Variants in XYLB observed in about 807,000 individuals in gnomAD.
XYLB encodes xylulokinase.
A neutral mutation model predicts 78.7 loss-of-function variants in XYLB; 62 were observed. The observed-to-expected ratio is 0.79, with a 90% CI of 0.64 to 0.97. XYLB has a LOEUF of 0.97. Ranked by LOEUF, XYLB falls within the 50% of genes least tolerant of loss-of-function variation. The pLI is 0.00. For missense variants in XYLB, 687 were observed against 676.8 expected, an observed-to-expected ratio of 1.02 and a Z score of -0.17; for synonymous variants, 245 against 247.4, an observed-to-expected ratio of 0.99 and a Z score of 0.09.
chr3:38,436,261 A>G, the XYLB span, among the ~76,000 whole-genome samples: 4 of 152,188 alleles, frequency 2.6e-5, no homozygotes, highest in Non-Finnish European at 5.9e-5. Flanking sequence ...TAACACGAAA[A>G]TATAAGAGAT....
intron 17 of XYLB, among the ~76,000 whole-genome samples, chr3:38,398,696 CTGTT>C (rs1397573590): frequency 1.4e-5 from 2 of 147,064 alleles, no homozygotes; most frequent in Non-Finnish European, 3.0e-5. Context: ...CTTCCTTCCT[CTGTT>C]TGTTACTTTG....
In XYLB at chr3:38,395,485, T is replaced by C; in HGVS notation, c.1292-20T>C. ...GGGAGAACTGGCATAGCTATTTTAC[T>C]TTTTTCTTTTCCCTTGCAGTGTCCA... On this transcript the variant is annotated intron_variant, in intron 15 of 18. Transcript: ENST00000207870. The C allele has an allele frequency of 6.2e-7, 1 of 1,613,930 alleles. No homozygotes were observed. Among genetic ancestry groups the C allele is most frequent in the Non-Finnish European group, 8.5e-7 (1 of 1,179,826 alleles).
chr3:38,444,883 C>T, the XYLB span, among the ~76,000 whole-genome samples: 2 of 151,744 alleles, frequency 1.3e-5, no homozygotes, highest in Non-Finnish European at 2.9e-5. Context: ...GATGCAGTAG[C>T]AGAAACACTA....
chr3:38,440,528 G>A, the XYLB span, among the ~76,000 whole-genome samples: 1 of 152,164 alleles, frequency 6.6e-6, no homozygotes. Context: ...CCCAAAGGGG[G>A]TTCCTCCTAG....
chr3:38,412,907 G>T, intron 18 of XYLB, 29 bp from the exon 19 acceptor site: 1 of 1,594,504 alleles, frequency 6.3e-7, no homozygotes, highest in South Asian at 1.1e-5. Context: ...TTCCCCCTCT[G>T]TTCTAAACTG....
At chr3:38,417,136 A>G (rs1708822618), downstream of XYLB, among the ~76,000 whole-genome samples, 1 of 152,212 alleles carries the variant, frequency 6.6e-6, no homozygotes, top group Non-Finnish European at 1.5e-5. Context: ...TACCTTGATA[A>G]TAGAGAATAT....
intron 15 of XYLB, among the ~76,000 whole-genome samples, chr3:38,391,268 C>A (rs1282141589): frequency 6.6e-6 from 1 of 152,034 alleles, no homozygotes; most frequent in Non-Finnish European, 1.5e-5. Flanking sequence ...ACACTAGAAC[C>A]TTGGAGTCTT....
chr3:38,393,103 A>G (rs188676482), intron 15 of XYLB, among the ~76,000 whole-genome samples: 21 of 152,198 alleles, frequency 1.4e-4, no homozygotes, highest in African/African-American at 5.1e-4. Flanking sequence ...TTTATCATTT[A>G]TCCAGTCCCT....
chr3:38,429,535 G>T, the XYLB span, among the ~76,000 whole-genome samples: 2 of 152,084 alleles, frequency 1.3e-5, no homozygotes, highest in Non-Finnish European at 2.9e-5. Flanking sequence ...CACAGATGTG[G>T]CTTCTCCTGA....
the XYLB span, among the ~76,000 whole-genome samples, chr3:38,429,345 C>G: frequency 2.6e-5 from 4 of 152,132 alleles, no homozygotes; most frequent in Non-Finnish European, 5.9e-5. Flanking sequence ...CCTGCAACAG[C>G]TTCTTTGTTT....
downstream of XYLB, among the ~76,000 whole-genome samples, chr3:38,421,990 C>G (rs1308300918): frequency 1.3e-5 from 2 of 152,170 alleles, no homozygotes; most frequent in Non-Finnish European, 2.9e-5. Flanking sequence ...TGGCAGTTTC[C>G]TGTTAGAATA....
chr3:38,376,651 G>A (rs1015764077), intron 13 of XYLB, among the ~76,000 whole-genome samples: 2 of 152,182 alleles, frequency 1.3e-5, no homozygotes, highest in Non-Finnish European at 2.9e-5. Context: ...GATATTTTAG[G>A]ATTGGCTGGG....
chr3:38,446,244 A>G, the XYLB span, among the ~76,000 whole-genome samples: 1 of 152,164 alleles, frequency 6.6e-6, no homozygotes. Flanking sequence ...CCATTTTACA[A>G]ACGTCTAGCT....
chr3:38,451,517 AG>A, the XYLB span: 1 of 152,226 alleles, frequency 6.6e-6, no homozygotes, highest in Non-Finnish European at 1.5e-5. Context: ...GCTACTTGGG[AG>A]GCTGCGGCAG....
In XYLB at chr3:38,412,957, C is replaced by A; in HGVS notation, c.1555C>A (p.Gln519Lys). The A allele has an allele frequency of 4.4e-6, 7 of 1,605,620 alleles. No individual in the cohort carries two copies. Among genetic ancestry groups the A allele is most frequent in the East Asian group, 2.3e-5 (1 of 43,902 alleles). ...ASQVYEALLP[Q>K]YAKLEQRILS... ...CTAGGTCTACGAGGCCCTTCTCCCC[C>A]AGTATGCCAAACTCGAGCAGAGAAT... The change falls in exon 19 of 19, where the codon CAG (glutamine) becomes AAG (lysine). Residue 519 changes from glutamine (Q) to lysine (K), a missense_variant. Physicochemically the swap from Gln to Lys is moderately conservative, Grantham distance 53 (BLOSUM62 1). Coordinates refer to ENST00000207870, the MANE Select transcript of XYLB (RefSeq NM_005108.4).
In XYLB at chr3:38,374,481, A is replaced by C. The variant is rs955914019; in HGVS notation, c.867A>C (p.Arg289Ser). 6 of 1,613,172 alleles carry C rather than the reference A, an allele frequency of 3.7e-6. No individual in the cohort carries two copies. Among genetic ancestry groups the C allele is most frequent in the Non-Finnish European group, 5.1e-6 (6 of 1,179,614 alleles). Reference protein sequence around the residue: ...GDNPASLAGMRLEEGDIAVSL... With the variant: ...GDNPASLAGMSLEEGDIAVSL... ...TCTCAGCGTCGCTGGCAGGCATGAG[A>C]CTGGAGGAAGGTGACATTGCGGTAA... Residue 289 changes from arginine to serine, a missense_variant, in exon 11 of 19, where the codon AGA becomes AGC. Arg to Ser is a moderately radical substitution (Grantham distance 110, BLOSUM62 -1). Transcript: ENST00000207870.
the XYLB span, among the ~76,000 whole-genome samples, chr3:38,450,855 T>C: frequency 6.6e-6 from 1 of 152,196 alleles, no homozygotes; most frequent in African/African-American, 2.4e-5. Flanking sequence ...TATAAGACAA[T>C]GTTGCAGTAG....
rs200666970 is a variant in XYLB at position 38,394,338 on chromosome 3, TTGA to T, written c.1292-1165_1292-1163del. ...ATATATTTTCTATTGTATTTGATAG[TTGA>T]TTATTATTAGAAATGCCATTGATTA... On this transcript the variant is annotated intron_variant, in intron 15 of 18. Coordinates refer to ENST00000207870, the MANE Select transcript of XYLB (RefSeq NM_005108.4). 6.1e-3 allele frequency among the ~76,000 whole-genome samples: 934 copies of T among 152,330 alleles called. 8 individuals carry two copies. The highest frequency in any genetic ancestry group is 0.021 in the African/African-American group (882 of 41,578).
chr3:38,407,013 G>C (rs1182319809), intron 18 of XYLB, among the ~76,000 whole-genome samples: 3 of 140,714 alleles, frequency 2.1e-5, no homozygotes, highest in Admixed American at 7.3e-5. Context: ...CCAACATTCA[G>C]ATTCAGGAAA....
Sources: allele counts gnomAD v4.1 joint callset (sites outside exome capture counted in the v4.1 genomes callset), GRCh38; gene constraint gnomAD v4.1.1; transcripts MANE v1.5; gene names NCBI Gene and HGNC (gene_info 2026-07-23, HGNC 2026-07-21).